The following ARHGEF10L variants were observed in gnomAD, a reference collection of about 807,000 sequenced individuals.
ARHGEF10L encodes rho guanine nucleotide exchange factor 10-like protein.
Under a neutral mutation model 141.2 loss-of-function variants are expected in ARHGEF10L, and 69 were observed. The ratio of observed to expected loss-of-function variants is 0.49; its 90% confidence interval spans 0.40 to 0.60. ARHGEF10L has a LOEUF of 0.60. ARHGEF10L is among the 20% of genes least tolerant of loss of function. The pLI is 0.00. For synonymous variants in ARHGEF10L, 711 were observed against 718.5 expected (o/e 0.99, Z 0.17); for missense variants, 1,482 against 1,734.3 (o/e 0.85, Z 2.58).
intron 1 of ARHGEF10L, among the ~76,000 whole-genome samples, chr1:17,566,696 GGAGA>G (rs1258131695): frequency 6.6e-6 from 1 of 152,186 alleles, no homozygotes; most frequent in Non-Finnish European, 1.5e-5. Flanking sequence ...ATCAGACCTG[GGAGA>G]GTTGAGTCCA....
At chr1:17,532,439 G>A in the ARHGEF10L span, among the ~76,000 whole-genome samples, 1 of 152,164 alleles carries the variant, frequency 6.6e-6, no homozygotes, top group African/African-American at 2.4e-5. Context: ...ATCCCTAGAG[G>A]AGGCTGCAGA....
intron 26 of ARHGEF10L, among the ~76,000 whole-genome samples, chr1:17,675,772 G>C (rs541376056): frequency 6.8e-6 from 1 of 147,780 alleles, no homozygotes; most frequent in African/African-American, 2.5e-5. Context: ...ATGAGTGCAG[G>C]TATGGGTGCA....
intron 1 of ARHGEF10L, among the ~76,000 whole-genome samples, chr1:17,577,231 A>G (rs961015264): frequency 2.6e-5 from 4 of 151,986 alleles, no homozygotes; most frequent in Non-Finnish European, 4.4e-5. Flanking sequence ...TTTTTAGTAG[A>G]GATGGGGTTT....
the ARHGEF10L span, among the ~76,000 whole-genome samples, chr1:17,530,800 A>G: frequency 2.0e-5 from 3 of 151,988 alleles, no homozygotes; most frequent in Admixed American, 2.0e-4. Flanking sequence ...GGATCACTTG[A>G]GGTTAGGAGT....
chr1:17,619,192 C>A lies in ARHGEF10L; in HGVS notation c.836-147C>A. On this transcript the variant is annotated intron_variant, in intron 9 of 28. Coordinates refer to ENST00000361221, the MANE Select transcript of ARHGEF10L (RefSeq NM_018125.4). This position sits in a 1 kb window ranked among gnomAD's most constrained non-coding sequence, Gnocchi z 5.0. ...GAACTCCTGAGAAGGAGCTACCGGG[C>A]GGCTCTAACCCCACGGGGCCCCAGG... 4.6e-6 allele frequency: 3 copies of A among 650,902 alleles called. No homozygotes were observed. The highest frequency in any genetic ancestry group is 8.2e-6 in the Non-Finnish European group (3 of 364,894). 40.3% of individuals were successfully genotyped at this position (650,902 alleles called of 1,614,324 possible).
At chr1:17,528,979 T>C in the ARHGEF10L span, among the ~76,000 whole-genome samples, 2 of 152,002 alleles carry the variant, frequency 1.3e-5, no homozygotes, top group African/African-American at 4.8e-5. Flanking sequence ...GATGGTGATA[T>C]AGATGATGAT....
chr1:17,622,845 C>G (rs1364698196), intron 11 of ARHGEF10L, 151 bp from the exon 12 acceptor site: 1 of 744,204 alleles, frequency 1.3e-6, no homozygotes, highest in East Asian at 2.7e-5. Flanking sequence ...TGATGGAGAT[C>G]CTTCCGGAAG....
chr1:17,576,828 C>A (rs937110948), intron 1 of ARHGEF10L, among the ~76,000 whole-genome samples: 11 of 152,176 alleles, frequency 7.2e-5, no homozygotes, highest in Non-Finnish European at 1.3e-4. Context: ...GGGATTTGAA[C>A]CTGAATCATC....
At chr1:17,616,260 G>T (rs2059802602) in intron 9 of ARHGEF10L, 58 bp downstream of exon 9, 5 of 1,329,442 alleles carry the variant, frequency 3.8e-6, no homozygotes, top group Non-Finnish European at 4.3e-6. Flanking sequence ...GGGTCGGGGA[G>T]GGTGGGATTT....
rs532851937 is a variant in ARHGEF10L at position 17,603,233 on chromosome 1, G to T, written c.350-275G>T. Among the ~76,000 whole-genome samples, 108 of 149,452 alleles carry T rather than the reference G, an allele frequency of 7.2e-4. No individual in the cohort carries two copies. The highest frequency in any genetic ancestry group is 2.7e-3 in the African/African-American group (108 of 40,510). On this transcript the variant is annotated intron_variant, in intron 5 of 28. Transcript: ENST00000361221. This position sits in a 1 kb window ranked among gnomAD's most constrained non-coding sequence, Gnocchi z 4.8. ...CTCCCTGCAGGGGCCGGGAGCAGCT[G>T]TCCATTAGCCAGATGGGCAGGCCTG...
chr1:17,669,121 CT>C (rs1215343153), intron 26 of ARHGEF10L, among the ~76,000 whole-genome samples: 2 of 152,228 alleles, frequency 1.3e-5, no homozygotes, highest in Non-Finnish European at 2.9e-5. Flanking sequence ...GCATTCCTTG[CT>C]GGCAGCCATG....
Position 17,603,527 on chromosome 1 carries a change from C to T in ARHGEF10L, c.369C>T (p.Pro123=), listed in dbSNP as rs546499118. Residue 123 remains proline, a synonymous_variant, in exon 6 of 29, where the codon CCC becomes CCT. Coordinates refer to ENST00000361221, the MANE Select transcript of ARHGEF10L (RefSeq NM_018125.4). The surrounding 1 kb of genome is among the most constrained non-coding windows in gnomAD (Gnocchi z 4.8). ...TCCCAGTTGACCGGTTCACTTTCCC[C>T]GCCCTGGAAGAGGATGTGATTTATG... is the stretch of plus-strand genomic sequence containing the variant. ...SSRRIDRFTF[P]ALEEDVIYDD... is the part of the protein sequence containing the mutation. 7.1e-5 allele frequency: 114 copies of T among 1,613,630 alleles called. No individual in the cohort carries two copies. The highest frequency in any genetic ancestry group is 5.3e-4 in the South Asian group (48 of 90,920).
intron 1 of ARHGEF10L, among the ~76,000 whole-genome samples, chr1:17,577,062 T>A (rs1476976862): frequency 6.6e-6 from 1 of 152,250 alleles, no homozygotes; most frequent in African/African-American, 2.4e-5. Context: ...TTATTTATTT[T>A]TGAGACAGTC....
intron 1 of ARHGEF10L, among the ~76,000 whole-genome samples, chr1:17,569,393 C>G (rs1284412919): frequency 6.6e-6 from 1 of 152,188 alleles, no homozygotes; most frequent in Non-Finnish European, 1.5e-5. Context: ...GGCTGAGGGC[C>G]CCCGGGGGTC....
chr1:17,673,802 G>T lies in ARHGEF10L; in HGVS notation c.3009+9207G>T, dbSNP rs2063476524. 6.6e-6 allele frequency among the ~76,000 whole-genome samples: 1 copy of T among 152,120 alleles called. No homozygotes were observed. The highest frequency in any genetic ancestry group is 2.4e-5 in the African/African-American group (1 of 41,390). On this transcript the variant is annotated intron_variant, in intron 26 of 28. Transcript: ENST00000361221. This position sits in a 1 kb window ranked among gnomAD's most constrained non-coding sequence, Gnocchi z 4.1. ...AAAATGGGGGATAATTATAGAACCT[G>T]CCCCAGGACTAAGCAGCTCCGTGTA...
chr1:17,651,883 C>A (rs1466849491), intron 22 of ARHGEF10L, among the ~76,000 whole-genome samples: 1 of 152,192 alleles, frequency 6.6e-6, no homozygotes, highest in Non-Finnish European at 1.5e-5. Context: ...TGCCCACACC[C>A]TACCCCACCC....
chr1:17,688,798 G>A (rs2064831659), intron 27 of ARHGEF10L, among the ~76,000 whole-genome samples: 1 of 152,146 alleles, frequency 6.6e-6, no homozygotes, highest in Non-Finnish European at 1.5e-5. Context: ...AGGGACCTCT[G>A]CCTACCCCAG....
the ARHGEF10L span, among the ~76,000 whole-genome samples, chr1:17,522,337 G>T: frequency 6.6e-6 from 1 of 152,192 alleles, no homozygotes; most frequent in Non-Finnish European, 1.5e-5. Flanking sequence ...CCGTCCTGAA[G>T]GGTGCTCACA....
chr1:17,584,233 C>G (rs919267677), intron 2 of ARHGEF10L, among the ~76,000 whole-genome samples: 10 of 152,002 alleles, frequency 6.6e-5, no homozygotes, highest in African/African-American at 2.4e-4. Context: ...TTAGTAGAGA[C>G]AAGGTCTCAC....
Sources: allele counts gnomAD v4.1 joint callset (sites outside exome capture counted in the v4.1 genomes callset), GRCh38; gene constraint gnomAD v4.1.1; non-coding constraint Gnocchi (gnomAD v3.1); transcripts MANE v1.5; gene names NCBI Gene and HGNC (gene_info 2026-07-23, HGNC 2026-07-21).